FTO: variants seen among roughly 807,000 people sequenced by gnomAD.
The protein encoded by FTO is FTO alpha-ketoglutarate dependent dioxygenase.
A neutral mutation model predicts 63.9 loss-of-function variants in FTO; 47 were observed. The ratio of observed to expected loss-of-function variants is 0.74; its 90% confidence interval spans 0.58 to 0.94. FTO has a LOEUF of 0.94. Among genes scored for constraint, FTO ranks in the 40% least tolerant of loss-of-function variants. The pLI, the probability that FTO is intolerant of heterozygous loss-of-function variation, is 0.00. For missense variants in FTO, 562 were observed against 618.1 expected (o/e 0.91, Z 0.96); for synonymous variants, 207 against 224.4 (o/e 0.92, Z 0.69).
chr16:53,867,076 G>A (rs896506208), intron 4 of FTO, among the ~76,000 whole-genome samples: 1 of 151,910 alleles, frequency 6.6e-6, no homozygotes, highest in African/African-American at 2.4e-5. Flanking sequence ...ACAAATTTTG[G>A]TAAGTTGTGT....
intron 8 of FTO, among the ~76,000 whole-genome samples, chr16:53,972,276 C>G (rs989544939): frequency 3.3e-5 from 5 of 151,998 alleles, no homozygotes; most frequent in African/African-American, 1.2e-4. Flanking sequence ...ATTTCCAGTA[C>G]TTGTATTGGA....
chr16:53,946,524 A>G (rs1474146071), intron 8 of FTO, among the ~76,000 whole-genome samples: 1 of 152,248 alleles, frequency 6.6e-6, no homozygotes, highest in African/African-American at 2.4e-5. Context: ...TGCTAAATAA[A>G]TGTCCCAATC....
rs1182759830 is a variant in FTO, at chr16:54,116,584, G to A, written c.*4669G>A. On this transcript the variant is annotated 3_prime_UTR_variant, in exon 9 of 9. Transcript: ENST00000471389. ...GGCACAGGCGTGTTGTGATGATTGC[G>A]GCTGTAGGGAAAGCCGGGCAGCTTG... The A allele has an allele frequency of 6.6e-6, 1 of 152,126 alleles. No individual in the cohort carries two copies. Among genetic ancestry groups the A allele is most frequent in the African/African-American group, 2.4e-5 (1 of 41,402 alleles). The allele number at this position is 152,126 out of a possible 1,614,324, so 9.4% of individuals were successfully genotyped here. A position where few individuals can be genotyped will look rare whatever the true frequency, so the allele number is the denominator to read the frequency against.
intron 4 of FTO, among the ~76,000 whole-genome samples, chr16:53,867,006 A>G (rs1452866904): frequency 6.6e-6 from 1 of 152,104 alleles, no homozygotes; most frequent in Non-Finnish European, 1.5e-5. Flanking sequence ...TATTAATGCT[A>G]TACATTTGTG....
intron 8 of FTO, among the ~76,000 whole-genome samples, chr16:54,097,493 A>G (rs2086543129): frequency 6.6e-6 from 1 of 151,996 alleles, no homozygotes; most frequent in Admixed American, 6.5e-5. Flanking sequence ...GGGTACTATT[A>G]CTTTTACATG....
At chr16:54,080,441 T>G (rs1001386981) in intron 8 of FTO, among the ~76,000 whole-genome samples, 3 of 152,198 alleles carry the variant, frequency 2.0e-5, no homozygotes, top group Admixed American at 6.5e-5. Context: ...AAATGGATAC[T>G]TGTGTCTGCA....
intron 8 of FTO, chr16:53,935,533 C>G (rs62035775): frequency 2.0e-5 from 3 of 151,956 alleles, no homozygotes; most frequent in African/African-American, 7.2e-5. Flanking sequence ...GTGGTGTGGT[C>G]GGAGTAAATG....
intron 8 of FTO, among the ~76,000 whole-genome samples, chr16:54,055,802 CA>C (rs1469581784): frequency 6.6e-6 from 1 of 152,232 alleles, no homozygotes; most frequent in Non-Finnish European, 1.5e-5. Flanking sequence ...TACTCATGGG[CA>C]CAATTCAGTC....
At position 53,826,142 on chromosome 16, in the gene FTO, T is replaced by A; in HGVS notation, c.402T>A (p.Ala134=). The change falls in exon 3 of 9, where the codon GCT becomes GCA. Residue 134 remains alanine, a synonymous_variant. Transcript: ENST00000471389. ...AACACACCGAGGCTGAAATAGCCGC[T>A]GCTTGTGAGACCTTCCTCAAGCTCA... The part of the protein sequence containing the change: ...NIKHTEAEIA[A]ACETFLKLND... 1.2e-6 allele frequency: 2 copies of A among 1,614,158 alleles called. No individual in the cohort carries two copies.
rs140477214 is a variant in FTO at position 53,947,670 on chromosome 16, T to G, written c.1364+13561T>G. Among the ~76,000 whole-genome samples the G allele has an allele frequency of 5.9e-5, 9 of 152,328 alleles. No individual in the cohort carries two copies. In the East Asian group the frequency reaches 1.7e-3, roughly 29 times the overall value. The stretch of plus-strand genomic sequence containing the variant: ...CTAAATAAATTAACAGGTTATCTTA[T>G]TGGGATAATAAACACACTCCTTTTC... On this transcript the variant is annotated intron_variant, in intron 8 of 8. Coordinates refer to ENST00000471389, the MANE Select transcript of FTO (RefSeq NM_001080432.3).
intron 1 of FTO, among the ~76,000 whole-genome samples, chr16:53,774,183 C>G (rs1042589532): frequency 2.6e-5 from 4 of 152,122 alleles, no homozygotes; most frequent in African/African-American, 9.7e-5. Context: ...CTAACTTACC[C>G]TCTATGACCT....
intron 8 of FTO, among the ~76,000 whole-genome samples, chr16:54,030,239 G>T (rs1410386405): frequency 2.6e-5 from 4 of 152,212 alleles, no homozygotes; most frequent in African/African-American, 9.7e-5. Flanking sequence ...GTCTACAATA[G>T]CATGAAATTA....
chr16:54,084,526 A>C (rs1481810488), intron 8 of FTO, among the ~76,000 whole-genome samples: 2 of 152,158 alleles, frequency 1.3e-5, no homozygotes, highest in African/African-American at 4.8e-5. Flanking sequence ...GGACTTAAAC[A>C]GTGTATTTTC....
At chr16:54,000,784 A>G (rs956545739) in intron 8 of FTO, among the ~76,000 whole-genome samples, 9 of 152,224 alleles carry the variant, frequency 5.9e-5, no homozygotes, top group Admixed American at 3.9e-4. Flanking sequence ...TTGCATTTTA[A>G]TTGGTATAAT....
chr16:53,920,527 A>G (rs1210346686), intron 7 of FTO, among the ~76,000 whole-genome samples: 1 of 152,170 alleles, frequency 6.6e-6, no homozygotes, highest in Non-Finnish European at 1.5e-5. Context: ...GTGTGTGTAT[A>G]TATAATTTTC....
intron 8 of FTO, among the ~76,000 whole-genome samples, chr16:54,053,393 T>G (rs527857144): frequency 6.6e-6 from 1 of 152,154 alleles, no homozygotes; most frequent in Admixed American, 6.5e-5. Context: ...CCCCTCCCTC[T>G]TTCAGTTTCC....
At chr16:53,881,116 C>T (rs181204736) in intron 6 of FTO, among the ~76,000 whole-genome samples, 5 of 115,684 alleles carry the variant, frequency 4.3e-5, no homozygotes, top group South Asian at 2.4e-4. Context: ...AGTGAGACTC[C>T]GTCTCAAAAT....
intron 1 of FTO, among the ~76,000 whole-genome samples, chr16:53,759,253 C>T (rs1184593653): frequency 6.6e-6 from 1 of 151,994 alleles, no homozygotes; most frequent in Non-Finnish European, 1.5e-5. Context: ...CAGTTGAAGA[C>T]ATTTGTCCAG....
At chr16:53,820,012 T>C (rs895430736) in intron 2 of FTO, among the ~76,000 whole-genome samples, 8 of 84,128 alleles carry the variant, frequency 9.5e-5, no homozygotes, top group African/African-American at 2.5e-4. Flanking sequence ...CTTCTTCTTC[T>C]TTTTTTTTTT....
Sources: gnomAD v4.1 joint callset for allele counts (sites outside exome capture counted in the v4.1 genomes callset) on GRCh38, gnomAD v4.1.1 for gene constraint, MANE v1.5 for transcripts, NCBI Gene and HGNC (gene_info 2026-07-23, HGNC 2026-07-21) for gene names.